The following TTC17 variants were observed in gnomAD, a reference collection of about 807,000 sequenced individuals.
TTC17 encodes tetratricopeptide repeat protein 17.
TTC17 carries 58 observed loss-of-function variants against 143.8 expected under a neutral mutation model. That is an observed-to-expected ratio of 0.40 (90% CI 0.33 to 0.50). The LOEUF (loss-of-function observed/expected upper bound fraction) is 0.50. Ranked by LOEUF, TTC17 falls within the 20% of genes least tolerant of loss-of-function variation. TTC17 has a pLI of 0.49. For synonymous variants in TTC17, 501 were observed against 497.8 expected, an observed-to-expected ratio of 1.01 and a Z score of -0.09; for missense variants, 1,273 against 1,392.5, an observed-to-expected ratio of 0.91 and a Z score of 1.37.
At chr11:43,405,193 C>T (rs981773644) in intron 11 of TTC17, among the ~76,000 whole-genome samples, 1 of 149,286 alleles carries the variant, frequency 6.7e-6, no homozygotes, top group African/African-American at 2.5e-5. Context: ...GCAACTGGAA[C>T]AACATGATTT....
intron 1 of TTC17, among the ~76,000 whole-genome samples, chr11:43,378,477 A>G (rs1856843406): frequency 6.6e-6 from 1 of 152,170 alleles, no homozygotes; most frequent in Admixed American, 6.5e-5. Flanking sequence ...TGATTTACTT[A>G]GGTTGTTTCT....
Position 43,450,110 on chromosome 11 carries a change from C to T in TTC17, c.2815C>T (p.Pro939Ser). The T allele has an allele frequency of 6.2e-7, 1 of 1,614,020 alleles. No individual in the cohort carries two copies. The highest frequency in any genetic ancestry group is 8.5e-7 in the Non-Finnish European group (1 of 1,179,956). ...CACAGAACACATAGATTTTGCCACC[C>T]CTATACAGCAGCCAGCAATGGAGCC... is the stretch of plus-strand genomic sequence containing the variant. ...DITEHIDFAT[P>S]IQQPAMEPLC... The change falls in exon 20 of 24, where the codon CCT (proline) becomes TCT (serine). Residue 939 changes from proline to serine, a missense_variant. This residue lies in a region of TTC17 where 878 missense variants were observed against 899.8 expected (regional missense o/e 0.98). Coordinates refer to ENST00000039989, the MANE Select transcript of TTC17 (RefSeq NM_018259.6).
intron 2 of TTC17, among the ~76,000 whole-genome samples, chr11:43,384,799 G>C (rs1389843294): frequency 6.6e-6 from 1 of 152,182 alleles, no homozygotes; most frequent in Non-Finnish European, 1.5e-5. Context: ...CATGGTAAGA[G>C]TATAAAGACT....
intron 16 of TTC17, chr11:43,435,031 C>T (rs1947253488): frequency 6.6e-6 from 1 of 151,830 alleles, no homozygotes; most frequent in African/African-American, 2.4e-5. Flanking sequence ...TGTTTCCACT[C>T]ATGTGGAGAG....
At chr11:43,491,854 A>G (rs546687119) in intron 22 of TTC17, 166 bp from the exon 23 acceptor site, 1 of 734,404 alleles carries the variant, frequency 1.4e-6, no homozygotes, top group South Asian at 2.3e-5. Context: ...TGGTACAAGC[A>G]CCTTATCTAT....
chr11:43,377,572 G>A (rs1323284825), intron 1 of TTC17, among the ~76,000 whole-genome samples: 1 of 152,140 alleles, frequency 6.6e-6, no homozygotes, highest in Admixed American at 6.5e-5. Context: ...AAAGATCTTT[G>A]CCATTTGCTG....
At chr11:43,445,087 C>T (rs138564108) in intron 18 of TTC17, among the ~76,000 whole-genome samples, 11 of 152,236 alleles carry the variant, frequency 7.2e-5, no homozygotes, top group African/African-American at 2.6e-4. Flanking sequence ...TAAATCATAA[C>T]ACATCTATGC....
intron 15 of TTC17, among the ~76,000 whole-genome samples, chr11:43,410,517 A>C (rs1858361457): frequency 6.6e-6 from 1 of 152,162 alleles, no homozygotes; most frequent in Non-Finnish European, 1.5e-5. Context: ...GATTCATTTC[A>C]AGTTAAATTT....
intron 21 of TTC17, among the ~76,000 whole-genome samples, chr11:43,483,500 C>T (rs1948325718): frequency 6.6e-6 from 1 of 152,024 alleles, no homozygotes; most frequent in Non-Finnish European, 1.5e-5. Context: ...AATCCAGCAG[C>T]ACATTTCTTT....
chr11:43,490,158 C>T (rs1382532460), intron 21 of TTC17, 81 bp from the exon 22 acceptor site: 8 of 1,530,230 alleles, frequency 5.2e-6, no homozygotes, highest in South Asian at 1.3e-5. Flanking sequence ...ATGGTCATGA[C>T]TTGTGTTACT....
chr11:43,399,941 A>G lies in TTC17; in HGVS notation c.1112A>G (p.His371Arg). ...ELKEYQKQHDHYLRQQEILEK... is the reference protein window; with the variant it reads ...ELKEYQKQHDRYLRQQEILEK... Reference sequence around the variant, plus strand: ...AAAGAGTATCAAAAGCAGCATGACCACTACCTGAGACAGCAGGAAATCCTA... The same window carrying G: ...AAAGAGTATCAAAAGCAGCATGACCGCTACCTGAGACAGCAGGAAATCCTA... The change falls in exon 9 of 24, where the codon CAC becomes CGC. Residue 371 changes from histidine (H) to arginine (R), a missense_variant. His to Arg is a conservative substitution (Grantham distance 29). Transcript: ENST00000039989. 6.2e-7 allele frequency: 1 copy of G among 1,614,014 alleles called. No individual in the cohort carries two copies.
chr11:43,362,423 C>G (rs1856154108), intron 1 of TTC17, among the ~76,000 whole-genome samples: 1 of 152,054 alleles, frequency 6.6e-6, no homozygotes, highest in African/African-American at 2.4e-5. Context: ...TAGGCACCCA[C>G]CAGTTACATA....
chr11:43,411,717 T>C (rs752935651), intron 15 of TTC17, among the ~76,000 whole-genome samples: 3 of 152,224 alleles, frequency 2.0e-5, no homozygotes, highest in Non-Finnish European at 2.9e-5. Context: ...GGGATAATTA[T>C]AACACTTTGT....
At chr11:43,493,448 G>C (rs945184220) in intron 23 of TTC17, among the ~76,000 whole-genome samples, 5 of 152,140 alleles carry the variant, frequency 3.3e-5, no homozygotes, top group Non-Finnish European at 5.9e-5. Context: ...CACACTTCAG[G>C]CACTCAGGAA....
chr11:43,461,058 A>G (rs979361950), intron 21 of TTC17, among the ~76,000 whole-genome samples: 3 of 152,240 alleles, frequency 2.0e-5, no homozygotes, highest in Admixed American at 6.5e-5. Context: ...AGTTGCAACA[A>G]TGAGACTGTT....
chr11:43,419,225 G>A (rs909910376), intron 16 of TTC17, among the ~76,000 whole-genome samples: 15 of 152,272 alleles, frequency 9.9e-5, no homozygotes, highest in Middle Eastern at 6.8e-3. Flanking sequence ...ATGTTTAGGT[G>A]TTCCTGTAAT....
In TTC17 at chr11:43,475,147, CTAA is replaced by C. The variant is rs1259885045; in HGVS notation, c.3031-15090_3031-15088del. 1.1e-4 allele frequency among the ~76,000 whole-genome samples: 17 copies of C among 152,264 alleles called. 1 individual carries two copies. The highest frequency in any genetic ancestry group is 3.4e-3 in the Middle Eastern group (1 of 294). On this transcript the variant is annotated intron_variant, in intron 21 of 23. Coordinates refer to ENST00000039989, the MANE Select transcript of TTC17 (RefSeq NM_018259.6). ...GTCAACTGTATTTGACTATACATCC[CTAA>C]TGAGATTTACCCTAAGAACCAAAGG...
At position 43,397,389 on chromosome 11, in the gene TTC17, A is replaced by G. The variant is rs1020704765; in HGVS notation, c.816A>G (p.Leu272=). ...CCCTGGTCAACCTGGCAAACGTTCT[A>G]CACAGAGCACACTTCTCTGCTGATG... The part of the protein sequence containing the change: ...DIALVNLANV[L]HRAHFSADAA... The change falls in exon 7 of 24, where the codon CTA becomes CTG. Residue 272 remains leucine, a synonymous_variant. Transcript: ENST00000039989. The G allele has an allele frequency of 5.6e-6, 9 of 1,612,742 alleles. No homozygotes were observed. The highest frequency in any genetic ancestry group is 1.6e-4 in the Middle Eastern group (1 of 6,084).
At chr11:43,418,347 T>C (rs1414288221) in intron 16 of TTC17, among the ~76,000 whole-genome samples, 4 of 152,208 alleles carry the variant, frequency 2.6e-5, no homozygotes, top group African/African-American at 9.6e-5. Flanking sequence ...TCAAGGATGC[T>C]GTGAAGAACT....
Sources: gnomAD v4.1 joint callset for allele counts (sites outside exome capture counted in the v4.1 genomes callset) on GRCh38, gnomAD v4.1.1 for gene constraint, gnomAD v4.1.1 regional missense constraint, MANE v1.5 for transcripts, NCBI Gene and HGNC (gene_info 2026-07-23, HGNC 2026-07-21) for gene names.